Variants in ZNF423 observed in about 807,000 individuals in gnomAD.
ZNF423 encodes the protein zinc finger protein 423.
In ZNF423, 12 loss-of-function variants were observed where a neutral mutation model predicts 95.8. The ratio of observed to expected loss-of-function variants is 0.13; its 90% CI spans 0.08 to 0.20. ZNF423 has a LOEUF of 0.20. Among genes scored for constraint, ZNF423 ranks in the 10% least tolerant of loss-of-function variants. The probability of loss-of-function intolerance (pLI) is 1.00; values close to 1 mark genes in which losing one functional copy is unlikely to be tolerated. For missense variants in ZNF423, 1,316 were observed against 1,737.1 expected (o/e 0.76, Z 4.31); for synonymous variants, 749 against 711.9 (o/e 1.05, Z -0.83).
intron 6 of ZNF423, among the ~76,000 whole-genome samples, chr16:49,524,136 T>C (rs1968511153): frequency 6.6e-6 from 1 of 152,084 alleles, no homozygotes; most frequent in African/African-American, 2.4e-5. Flanking sequence ...CCTACAGGGG[T>C]GAGCTTCTTG....
intron 2 of ZNF423, among the ~76,000 whole-genome samples, chr16:49,744,128 G>T (rs1384112206): frequency 6.6e-6 from 1 of 152,210 alleles, no homozygotes; most frequent in African/African-American, 2.4e-5. Context: ...GCTCAGGTCT[G>T]CCGGCTTTCT....
chr16:49,525,968 G>A (rs1327121382), intron 5 of ZNF423, among the ~76,000 whole-genome samples: 1 of 152,246 alleles, frequency 6.6e-6, no homozygotes, highest in Non-Finnish European at 1.5e-5. Context: ...CCACTCTGGT[G>A]GTGGGGTAGA....
chr16:49,569,823 C>G (rs1433710415), intron 5 of ZNF423, among the ~76,000 whole-genome samples: 1 of 152,186 alleles, frequency 6.6e-6, no homozygotes, highest in African/African-American at 2.4e-5. Context: ...GTGTCAGGCA[C>G]TGTAAGTGCT....
At chr16:49,758,195 G>A (rs569927296) in intron 2 of ZNF423, among the ~76,000 whole-genome samples, 1 of 152,222 alleles carries the variant, frequency 6.6e-6, no homozygotes, top group Non-Finnish European at 1.5e-5. Flanking sequence ...CTGGAGTGCA[G>A]TGGCATGATC....
chr16:49,672,329 G>C (rs751468938), intron 3 of ZNF423, among the ~76,000 whole-genome samples: 24 of 152,162 alleles, frequency 1.6e-4, no homozygotes, highest in Non-Finnish European at 2.8e-4. Context: ...AATCTTCCTG[G>C]TGACCCTGTG....
At chr16:49,709,183 T>TATATATATATATATATATATATATATAA (rs58833331) in intron 3 of ZNF423, among the ~76,000 whole-genome samples, 39 of 145,354 alleles carry the variant, frequency 2.7e-4, no homozygotes, top group African/African-American at 9.5e-4. Context: ...TATATATATA[T>TATATATATATATATATATATATATATAA]GAAAACGGAG....
intron 6 of ZNF423, 91 bp from the exon 7 acceptor site, chr16:49,523,830 C>A: frequency 9.8e-7 from 1 of 1,021,586 alleles, no homozygotes. Context: ...AGGCAGGGAT[C>A]ACTGTGGCAT....
intron 4 of ZNF423, among the ~76,000 whole-genome samples, chr16:49,632,122 T>C (rs1261342934): frequency 1.3e-5 from 2 of 152,120 alleles, no homozygotes; most frequent in African/African-American, 2.4e-5. Flanking sequence ...GCAGGATCAA[T>C]GGATGGCCAG....
At chr16:49,652,543 A>C (rs1427207538) in intron 3 of ZNF423, among the ~76,000 whole-genome samples, 2 of 151,994 alleles carry the variant, frequency 1.3e-5, no homozygotes, top group Admixed American at 6.5e-5. Context: ...CCTGGCGTGG[A>C]CCTCCTGCGC....
intron 1 of ZNF423, among the ~76,000 whole-genome samples, chr16:49,839,490 C>T (rs912512767): frequency 1.3e-4 from 20 of 152,200 alleles, no homozygotes; most frequent in African/African-American, 4.6e-4. Flanking sequence ...GTGGCGCTCA[C>T]AGCAGGCAGG....
chr16:49,838,909 G>A (rs2035151921), intron 1 of ZNF423, among the ~76,000 whole-genome samples: 1 of 151,840 alleles, frequency 6.6e-6, no homozygotes, highest in South Asian at 2.1e-4. Context: ...CGCCTCAAAG[G>A]GGTCCCGGGG....
At chr16:49,721,019 C>T (rs1383540231) in intron 3 of ZNF423, among the ~76,000 whole-genome samples, 3 of 152,212 alleles carry the variant, frequency 2.0e-5, no homozygotes, top group Non-Finnish European at 2.9e-5. Context: ...ACTGCTGAGT[C>T]GAAAAGGTGG....
chr16:49,677,308 G>GAAGAGAAGAGAAGAGAAGAGAAGAGA (rs1277785805), intron 3 of ZNF423, among the ~76,000 whole-genome samples: 1 of 93,520 alleles, frequency 1.1e-5, no homozygotes. Flanking sequence ...GAAGAGAAGA[G>GAAGAGAAGAGAAGAGAAGAGAAGAGA]AAAGGAGGGG....
chr16:49,720,317 C>T (rs1413746832), intron 3 of ZNF423, among the ~76,000 whole-genome samples: 1 of 152,212 alleles, frequency 6.6e-6, no homozygotes, highest in East Asian at 1.9e-4. Flanking sequence ...CCCAGAAGCA[C>T]CCATGAGCCA....
intron 3 of ZNF423, among the ~76,000 whole-genome samples, chr16:49,646,574 C>CTTTTTTTTTTTTTTTTTTTTTTT (rs71380366): frequency 1.9e-4 from 22 of 117,986 alleles, no homozygotes; most frequent in South Asian, 5.5e-4. Flanking sequence ...TTTTCTTTTT[C>CTTTTTTTTTTTTTTTTTTTTTTT]TTTTTTTTTT....
intron 3 of ZNF423, among the ~76,000 whole-genome samples, chr16:49,714,757 C>CAAA (rs11393701): frequency 6.7e-6 from 1 of 148,554 alleles, no homozygotes; most frequent in South Asian, 2.1e-4. Context: ...CCCATCTCTA[C>CAAA]AAAAAAAAAA....
At chr16:49,717,468 A>G (rs970593174) in intron 3 of ZNF423, among the ~76,000 whole-genome samples, 1 of 152,212 alleles carries the variant, frequency 6.6e-6, no homozygotes, top group African/African-American at 2.4e-5. Flanking sequence ...TTCTTCTGCT[A>G]GCAGCACCCT....
chr16:49,820,321 C>T (rs2144018770), intron 1 of ZNF423, among the ~76,000 whole-genome samples: 1 of 152,288 alleles, frequency 6.6e-6, no homozygotes, highest in South Asian at 2.1e-4. Context: ...AGAGGAATAT[C>T]CGCTAGGCCT....
chr16:49,491,446 T>C, intron 7 of ZNF423, 142 bp from the exon 8 acceptor site: 1 of 1,026,016 alleles, frequency 9.7e-7, no homozygotes, highest in East Asian at 2.6e-5. Context: ...GAAAAAGTGC[T>C]CCAGGGACGC....
Sources: gnomAD v4.1 joint callset for allele counts (sites outside exome capture counted in the v4.1 genomes callset) on GRCh38, gnomAD v4.1.1 for gene constraint, MANE v1.5 for transcripts, NCBI Gene and HGNC (gene_info 2026-07-23, HGNC 2026-07-21) for gene names.